Variants in KDM1B observed in about 807,000 individuals in gnomAD.
The protein encoded by KDM1B is lysine-specific histone demethylase 2.
KDM1B carries 63 observed loss-of-function variants against 107.4 expected under a neutral mutation model. That is an observed-to-expected ratio of 0.59 (90% CI 0.48 to 0.72). KDM1B has a LOEUF of 0.72. Ranked by LOEUF, KDM1B falls within the 30% of genes least tolerant of loss-of-function variation. The probability of loss-of-function intolerance (pLI) is 0.00; values close to 1 mark genes in which losing one functional copy is unlikely to be tolerated. For synonymous variants in KDM1B, 363 were observed against 363.9 expected (o/e 1.00, Z 0.03); for missense variants, 749 against 1,020.8 (o/e 0.73, Z 3.63).
chr6:18,164,941 C>T (rs566495594), intron 5 of KDM1B, among the ~76,000 whole-genome samples: 31 of 152,150 alleles, frequency 2.0e-4, no homozygotes, highest in Non-Finnish European at 2.6e-4. Context: ...GCTCCATGCC[C>T]GGCCTAGAGG....
At chr6:18,167,719 C>G (rs572839395) in intron 6 of KDM1B, among the ~76,000 whole-genome samples, 33 of 152,254 alleles carry the variant, frequency 2.2e-4, no homozygotes, top group African/African-American at 7.5e-4. Flanking sequence ...AGTGATCCAC[C>G]TGCCTCAGCC....
rs199974221 is a variant in KDM1B at position 18,170,145 on chromosome 6, AG to A, written c.418-1216del. Among the ~76,000 whole-genome samples the A allele has an allele frequency of 6.0e-3, 916 of 152,230 alleles. 7 individuals are homozygous for A. Among genetic ancestry groups the A allele is most frequent in the African/African-American group, 0.021 (863 of 41,546 alleles). ...AGGCTGGTCTTGAGCTCCTGACCTCAGGTGATTCACCTGCCTCAGCCTCCCA... is the reference window on the plus strand; with the variant it reads ...AGGCTGGTCTTGAGCTCCTGACCTCAGTGATTCACCTGCCTCAGCCTCCCA... On this transcript the variant is annotated intron_variant, in intron 6 of 21. Coordinates refer to ENST00000650836, the MANE Select transcript of KDM1B (RefSeq NM_001364614.2).
chr6:18,202,608 G>C (rs1788111022), intron 14 of KDM1B, among the ~76,000 whole-genome samples: 1 of 152,132 alleles, frequency 6.6e-6, no homozygotes, highest in Non-Finnish European at 1.5e-5. Flanking sequence ...GTTCTTGGAG[G>C]CATGTTGGAG....
chr6:18,213,566 T>G lies in KDM1B; in HGVS notation c.1984-90T>G, dbSNP rs1344313168. ...TGTTCTTTCGGGCAGTGTCTTTGTT[T>G]TAGAGTAGAGCTACAGGTTGCTGCT... is the stretch of plus-strand genomic sequence containing the variant. On this transcript the variant is annotated intron_variant, in intron 18 of 21. Coordinates refer to ENST00000650836, the MANE Select transcript of KDM1B (RefSeq NM_001364614.2). The surrounding 1 kb of genome is among the most constrained non-coding windows in gnomAD (Gnocchi z 5.9). The G allele has an allele frequency of 2.2e-6, 3 of 1,358,678 alleles. No individual in the cohort carries two copies. Among genetic ancestry groups the G allele is most frequent in the African/African-American group, 2.9e-5 (2 of 69,418 alleles). The allele number at this position is 1,358,678 out of a possible 1,614,324, so 84.2% of individuals were successfully genotyped here.
At chr6:18,193,298 C>CTT (rs61133563) in intron 10 of KDM1B, among the ~76,000 whole-genome samples, 5,632 of 89,884 alleles carry the variant, frequency 0.063, 228 homozygotes, top group South Asian at 0.13. Context: ...TGTGTGCTTT[C>CTT]TTTTTTTTTT....
intron 6 of KDM1B, among the ~76,000 whole-genome samples, chr6:18,170,770 A>G (rs1785599783): frequency 6.6e-6 from 1 of 151,626 alleles, no homozygotes; most frequent in Non-Finnish European, 1.5e-5. Flanking sequence ...GTGAGCCACC[A>G]TGCCTGGCCC....
chr6:18,207,291 G>C, intron 15 of KDM1B, 107 bp from the exon 16 acceptor site: 1 of 1,223,188 alleles, frequency 8.2e-7, no homozygotes, highest in Non-Finnish European at 1.2e-6. Flanking sequence ...CCTGTCCCCT[G>C]CCCTCCTGCC....
chr6:18,193,677 ATG>A (rs1240596256), intron 10 of KDM1B, among the ~76,000 whole-genome samples: 2 of 151,966 alleles, frequency 1.3e-5, no homozygotes, highest in Admixed American at 1.3e-4. Flanking sequence ...CCAGTGTTGT[ATG>A]TGTTATTTCT....
chr6:18,187,157 A>C (rs556589799), intron 8 of KDM1B, among the ~76,000 whole-genome samples: 1 of 152,290 alleles, frequency 6.6e-6, no homozygotes, highest in South Asian at 2.1e-4. Context: ...AGTCATCATG[A>C]GAAGGCTCTG....
intron 15 of KDM1B, among the ~76,000 whole-genome samples, chr6:18,206,051 G>A (rs1788346661): frequency 6.6e-6 from 1 of 152,088 alleles, no homozygotes; most frequent in East Asian, 1.9e-4. Flanking sequence ...TTGAATTTGA[G>A]CTGGTTTCGA....
intron 2 of KDM1B, among the ~76,000 whole-genome samples, chr6:18,156,423 C>T (rs537803130): frequency 1.5e-4 from 23 of 152,294 alleles, no homozygotes; most frequent in Admixed American, 1.1e-3. Flanking sequence ...GGGAATCCCC[C>T]ACACCACGTA....
chr6:18,199,285 G>T (rs879673700), intron 12 of KDM1B, among the ~76,000 whole-genome samples: 2 of 152,114 alleles, frequency 1.3e-5, no homozygotes, highest in Non-Finnish European at 2.9e-5. Flanking sequence ...AGTGAAGAAT[G>T]TAAGTTTGAG....
In KDM1B at chr6:18,162,813, A is replaced by G. The variant is rs202137646; in HGVS notation, c.216-22A>G. On this transcript the variant is annotated intron_variant, in intron 4 of 21. Transcript: ENST00000650836. The surrounding 1 kb of genome is among the most constrained non-coding windows in gnomAD (Gnocchi z 4.1). Reference sequence around the variant, plus strand: ...GAAATGTTTATTCATTACCAAAGCTATATGTTTTTCACTATTTTCAGATGT... The same window carrying G: ...GAAATGTTTATTCATTACCAAAGCTGTATGTTTTTCACTATTTTCAGATGT... The G allele has an allele frequency of 1.6e-4, 212 of 1,329,880 alleles. 2 individuals carry two copies. The African/African-American group carries it at 2.0e-3, about 13-fold the overall frequency. 82.4% of individuals were successfully genotyped at this position (1,329,880 alleles called of 1,614,324 possible).
rs1787716585 is a variant in KDM1B at position 18,197,337 on chromosome 6, T to G, written c.1146+104T>G. 9.1e-7 allele frequency: 1 copy of G among 1,103,426 alleles called. No individual in the cohort carries two copies. Among genetic ancestry groups the G allele is most frequent in the Admixed American group, 2.7e-5 (1 of 37,480 alleles). 68.4% of individuals were successfully genotyped at this position (1,103,426 alleles called of 1,614,324 possible). ...AAAAGCCACATTATCACCATAAAAC[T>G]TAACAGAAGCAAGGCTTTCGCAGAA... On this transcript the variant is annotated intron_variant, in intron 11 of 21. Transcript: ENST00000650836. This position sits in a 1 kb window ranked among gnomAD's most constrained non-coding sequence, Gnocchi z 4.5.
chr6:18,201,354 C>A lies in KDM1B; in HGVS notation c.1360-132C>A. The A allele has an allele frequency of 1.6e-6, 1 of 631,402 alleles. No individual in the cohort carries two copies. The highest frequency in any genetic ancestry group is 2.7e-6 in the Non-Finnish European group (1 of 368,546). The allele number at this position is 631,402 out of a possible 1,614,324, so 39.1% of individuals were successfully genotyped here. On this transcript the variant is annotated intron_variant, in intron 13 of 21. Coordinates refer to ENST00000650836, the MANE Select transcript of KDM1B (RefSeq NM_001364614.2). This position sits in a 1 kb window ranked among gnomAD's most constrained non-coding sequence, Gnocchi z 4.3. ...GACTTTGCTGCCATTCCCCGTGAAG[C>A]ATATTTAGCTTTATTTTTGAGAGAT... is the stretch of plus-strand genomic sequence containing the variant.
chr6:18,222,294 T>G lies in KDM1B; in HGVS notation c.*302T>G, dbSNP rs891846420. 1 of 456,896 alleles carries G rather than the reference T, an allele frequency of 2.2e-6. No homozygotes were observed. The highest frequency in any genetic ancestry group is 4.3e-4 in the Middle Eastern group (1 of 2,314). The allele number at this position is 456,896 out of a possible 1,614,324, so 28.3% of individuals were successfully genotyped here. ...GCCATGGATTTGATTGTTCCATGGC[T>G]GGAAGTTCCCTTTAGATTTCACATT... On this transcript the variant is annotated 3_prime_UTR_variant, in exon 22 of 22. Transcript: ENST00000650836.
chr6:18,198,788 A>T (rs956843689), intron 12 of KDM1B, among the ~76,000 whole-genome samples: 1 of 151,874 alleles, frequency 6.6e-6, no homozygotes, highest in Non-Finnish European at 1.5e-5. Context: ...GGAAACCTAC[A>T]GATTATATTA....
rs901968713 is a variant in KDM1B at position 18,172,381 on chromosome 6, A to G, written c.534+902A>G. Reference sequence around the variant, plus strand: ...AATTGAGATAAAATTCACATATTATAAAATTCACCCTTTTAAAGCATACAA... The same window carrying G: ...AATTGAGATAAAATTCACATATTATGAAATTCACCCTTTTAAAGCATACAA... On this transcript the variant is annotated intron_variant, in intron 7 of 21. Transcript: ENST00000650836. This position sits in a 1 kb window ranked among gnomAD's most constrained non-coding sequence, Gnocchi z 5.2. Among the ~76,000 whole-genome samples, 12 of 152,334 alleles carry G rather than the reference A, an allele frequency of 7.9e-5. No individual in the cohort carries two copies. The highest frequency in any genetic ancestry group is 4.1e-4 in the South Asian group (2 of 4,828).
rs923388798 is a variant in KDM1B at position 18,205,483 on chromosome 6, T to C, written c.1532-54T>C. 36 of 1,515,404 alleles carry C rather than the reference T, an allele frequency of 2.4e-5. No homozygotes were observed. In the African/African-American group the frequency reaches 4.6e-4, roughly 20 times the overall value. 93.9% of individuals were successfully genotyped at this position (1,515,404 alleles called of 1,614,324 possible). On this transcript the variant is annotated intron_variant, in intron 14 of 21. Coordinates refer to ENST00000650836, the MANE Select transcript of KDM1B (RefSeq NM_001364614.2). This position sits in a 1 kb window ranked among gnomAD's most constrained non-coding sequence, Gnocchi z 5.7. The stretch of plus-strand genomic sequence containing the variant: ...GAGGTTGAAAGCAAAGGAGAAAGAA[T>C]TGGAGAATCTTGTTAAAGCTATTTT...
Sources: gnomAD v4.1 joint callset for allele counts (sites outside exome capture counted in the v4.1 genomes callset) on GRCh38, gnomAD v4.1.1 for gene constraint, Gnocchi (gnomAD v3.1) non-coding constraint, MANE v1.5 for transcripts, NCBI Gene and HGNC (gene_info 2026-07-23, HGNC 2026-07-21) for gene names.